DNASE2: variants seen among roughly 807,000 people sequenced by gnomAD.
DNASE2 encodes the protein deoxyribonuclease-2-alpha.
A neutral mutation model predicts 29.8 loss-of-function variants in DNASE2; 26 were observed. That is an observed-to-expected ratio of 0.87 (90% CI 0.64 to 1.21). The LOEUF is 1.21. DNASE2 is among the 50% of genes most tolerant of loss of function. DNASE2 has a pLI of 0.00. For missense variants in DNASE2, 415 were observed against 455.6 expected, an observed-to-expected ratio of 0.91 and a Z score of 0.81; for synonymous variants, 186 against 193.5, an observed-to-expected ratio of 0.96 and a Z score of 0.32.
In DNASE2 at chr19:12,881,083, C is replaced by G. The variant is rs1970374682; in HGVS notation, c.156G>C (p.Lys52Asn). Residue 52 changes from lysine (K) to asparagine (N), a missense_variant, in exon 2 of 6, where the codon AAG becomes AAC. Lys to Asn is a moderately conservative substitution (Grantham distance 94). Transcript: ENST00000222219. ...GEAAQRGLQY[K>N]YLDESSGGWR... The stretch of plus-strand genomic sequence containing the variant: ...AGCCTCCGGAGCTCTCGTCCAGATA[C>G]TTGTACTGCAGCCCTCTCTGCGCCG... 3 of 1,612,592 alleles carry G rather than the reference C, an allele frequency of 1.9e-6. No homozygotes were observed. Among genetic ancestry groups the G allele is most frequent in the Non-Finnish European group, 2.5e-6 (3 of 1,180,004 alleles).
chr19:12,876,983 C>T lies in DNASE2; in HGVS notation c.710-620G>A, dbSNP rs1292552502. Among the ~76,000 whole-genome samples the T allele has an allele frequency of 9.2e-5, 14 of 151,944 alleles. 1 individual carries two copies. Among genetic ancestry groups the T allele is most frequent in the South Asian group, 6.3e-4 (3 of 4,794 alleles). The stretch of plus-strand genomic sequence containing the variant: ...GATTACAGGTGCCCGCCACCACACC[C>T]GGCTAATTTTTGTACTTTTAGTAGA... On this transcript the variant is annotated intron_variant, in intron 5 of 5. Coordinates refer to ENST00000222219, the MANE Select transcript of DNASE2 (RefSeq NM_001375.3).
At chr19:12,876,572 G>C (rs1343884553) in intron 5 of DNASE2, among the ~76,000 whole-genome samples, 1 of 147,522 alleles carries the variant, frequency 6.8e-6, no homozygotes, top group Admixed American at 7.0e-5. Flanking sequence ...TGATTCTCCT[G>C]CCTCAGCCTT....
chr19:12,876,400 G>T (rs1259783658), intron 5 of DNASE2, 37 bp from the exon 6 acceptor site: 1 of 1,603,656 alleles, frequency 6.2e-7, no homozygotes, highest in African/African-American at 1.3e-5. Flanking sequence ...GTAGGGTCAG[G>T]GCCACTGCGA....
Position 12,878,663 on chromosome 19 carries a change from G to T in DNASE2, c.511+7C>A. 1 of 1,613,960 alleles carries T rather than the reference G, an allele frequency of 6.2e-7. No homozygotes were observed. Among genetic ancestry groups the T allele is most frequent in the South Asian group, 1.1e-5 (1 of 91,026 alleles). On this transcript the variant is annotated splice_region_variant and intron_variant, in intron 4 of 5. Transcript: ENST00000222219. Reference sequence around the variant, plus strand: ...AGGACTCATCCTGTGTCCCTGACTCGACTTACCCATCTTCGAGAACTGAGC... The same window carrying T: ...AGGACTCATCCTGTGTCCCTGACTCTACTTACCCATCTTCGAGAACTGAGC...
In DNASE2 at chr19:12,881,339, G is replaced by T; in HGVS notation, c.37C>A (p.Pro13Thr). 1.3e-6 allele frequency: 2 copies of T among 1,568,720 alleles called. No individual in the cohort carries two copies. The highest frequency in any genetic ancestry group is 2.4e-5 in the East Asian group (1 of 42,064). The stretch of plus-strand genomic sequence containing the variant: ...CCGTAGCAGGTCAGGGCCCCGGCGG[G>T]GACGCACAGCAGCGCTGCCAGCAGC... ...PLLLAALLCV[P>T]AGALTCYGDS... is the part of the protein sequence containing the mutation. Residue 13 changes from proline (P) to threonine (T), a missense_variant, in exon 1 of 6, where the codon CCC becomes ACC. By Grantham distance (38) the Pro-to-Thr change is conservative. Coordinates refer to ENST00000222219, the MANE Select transcript of DNASE2 (RefSeq NM_001375.3).
At position 12,875,824 on chromosome 19, in the gene DNASE2, G is replaced by T; in HGVS notation, c.*166C>A. On this transcript the variant is annotated 3_prime_UTR_variant, in exon 6 of 6. Transcript: ENST00000222219. ...CTGGCTTCAGTGGCTGGGACTACAGGCATTTATCACCGTGCCTGGCTAACT... is the reference window on the plus strand; with the variant it reads ...CTGGCTTCAGTGGCTGGGACTACAGTCATTTATCACCGTGCCTGGCTAACT... The T allele has an allele frequency of 2.7e-6, 2 of 750,588 alleles. No individual in the cohort carries two copies. The highest frequency in any genetic ancestry group is 4.2e-6 in the Non-Finnish European group (2 of 473,886). The allele number at this position is 750,588 out of a possible 1,614,324, so 46.5% of individuals were successfully genotyped here. A position where few individuals can be genotyped will look rare whatever the true frequency, so the allele number is the denominator to read the frequency against.
chr19:12,878,622 T>TC (rs1568418465), intron 4 of DNASE2, 43 bp from the exon 5 acceptor site: 1 of 1,613,910 alleles, frequency 6.2e-7, no homozygotes, highest in South Asian at 1.1e-5. Flanking sequence ...CGTTCCAGGT[T>TC]CTGGTCAGTA....
chr19:12,878,585 G>A lies in DNASE2; in HGVS notation c.512-6C>T, dbSNP rs369135205. On this transcript the variant is annotated splice_polypyrimidine_tract_variant and splice_region_variant and intron_variant, in intron 4 of 5. Coordinates refer to ENST00000222219, the MANE Select transcript of DNASE2 (RefSeq NM_001375.3). ...GGTGTAGGTCAGCTGCTTGCCTGGA[G>A]GACAAGGGGAGGAGGAAATGCAAGA... The A allele has an allele frequency of 2.0e-5, 32 of 1,613,776 alleles. No individual in the cohort carries two copies. The highest frequency in any genetic ancestry group is 2.6e-5 in the Non-Finnish European group (31 of 1,179,980).
chr19:12,876,095 C>T lies in DNASE2; in HGVS notation c.978G>A (p.Leu326=). Residue 326 remains leucine (L), a synonymous_variant, in exon 6 of 6, where the codon CTG becomes CTA. Coordinates refer to ENST00000222219, the MANE Select transcript of DNASE2 (RefSeq NM_001375.3). The part of the protein sequence containing the change: ...QGEEQRGGGT[L]CAQLPALWKA... The stretch of plus-strand genomic sequence containing the variant: ...TCCAGAGGGCTGGCAGCTGGGCACA[C>T]AGTGTGCCCCCACCCCGTTGCTCCT... 1.9e-6 allele frequency: 3 copies of T among 1,613,976 alleles called. No homozygotes were observed. The highest frequency in any genetic ancestry group is 2.5e-6 in the Non-Finnish European group (3 of 1,179,946).
chr19:12,877,691 G>A (rs1170163352), intron 5 of DNASE2, among the ~76,000 whole-genome samples: 1 of 150,562 alleles, frequency 6.6e-6, no homozygotes. Flanking sequence ...GACTACAGGT[G>A]CCCGCCACCA....
At chr19:12,876,467 T>TTTC (rs1237099387) in intron 5 of DNASE2, 104 bp from the exon 6 acceptor site, 1 of 1,471,982 alleles carries the variant, frequency 6.8e-7, no homozygotes, top group African/African-American at 1.4e-5. Flanking sequence ...TCCTTTTTTT[T>TTTC]TTTTTTTTTT....
At position 12,875,581 on chromosome 19, in the gene DNASE2, A is replaced by G; in HGVS notation, c.*409T>C. 5.2e-6 allele frequency: 1 copy of G among 193,852 alleles called. No individual in the cohort carries two copies. The highest frequency in any genetic ancestry group is 9.0e-5 in the South Asian group (1 of 11,072). The allele number at this position is 193,852 out of a possible 1,614,324, so 12.0% of individuals were successfully genotyped here. ...TAATTTTTAAATATTTTTAATGGATATGGGGTTTCACCATGTTGGCCAGGC... is the reference window on the plus strand; with the variant it reads ...TAATTTTTAAATATTTTTAATGGATGTGGGGTTTCACCATGTTGGCCAGGC... On this transcript the variant is annotated 3_prime_UTR_variant, in exon 6 of 6. Transcript: ENST00000222219.
chr19:12,878,375 G>A lies in DNASE2; in HGVS notation c.709+7C>T. ...GGAGCTCTCCAACCCTCAACCTTGA[G>A]ACTCACCATCTCCAAATTTGCTGAA... On this transcript the variant is annotated splice_region_variant and intron_variant, in intron 5 of 5. Transcript: ENST00000222219. 1 of 1,612,326 alleles carries A rather than the reference G, an allele frequency of 6.2e-7. No individual in the cohort carries two copies. Among genetic ancestry groups the A allele is most frequent in the Non-Finnish European group, 8.5e-7 (1 of 1,180,020 alleles).
chr19:12,877,947 T>G (rs1179359138), intron 5 of DNASE2: 9 of 307,258 alleles, frequency 2.9e-5, no homozygotes, highest in Non-Finnish European at 5.1e-5. Context: ...TGGGCTCAAT[T>G]TATCCTCCTG....
At position 12,878,750 on chromosome 19, in the gene DNASE2, T is replaced by G; in HGVS notation, c.431A>C (p.Tyr144Ser). The G allele has an allele frequency of 6.2e-7, 1 of 1,613,960 alleles. No individual in the cohort carries two copies. Among genetic ancestry groups the G allele is most frequent in the Non-Finnish European group, 8.5e-7 (1 of 1,179,982 alleles). The change falls in exon 4 of 6, where the codon TAC becomes TCC. Residue 144 changes from tyrosine (Y) to serine (S), a missense_variant. Transcript: ENST00000222219. ...NFPPPASSAA[Y>S]SWPHSACTYG... ...GGTACAGGCGCTATGAGGCCAGCTG[T>G]ATGCAGCAGAGGAGGCCGGTGGAGG...
intron 5 of DNASE2, among the ~76,000 whole-genome samples, chr19:12,877,780 G>A (rs780507087): frequency 9.2e-5 from 14 of 151,558 alleles, no homozygotes; most frequent in Middle Eastern, 3.2e-3. Flanking sequence ...TCCTGAGCTC[G>A]TGATCTGCCC....
intron 3 of DNASE2, among the ~76,000 whole-genome samples, chr19:12,880,290 G>A (rs1970364825): frequency 6.6e-6 from 1 of 151,584 alleles, no homozygotes; most frequent in African/African-American, 2.4e-5. Flanking sequence ...AGGGGAAATA[G>A]ATGCCCAAGG....
rs779256485 is a variant in DNASE2 at position 12,881,065 on chromosome 19, G to A, written c.174C>T (p.Ser58=). ...GTGCCCTGCCGTCCCGCCAGCCTCC[G>A]GAGCTCTCGTCCAGATACTTGTACT... ...GLQYKYLDES[S]GGWRDGRALI... is the part of the protein sequence containing the mutation. The change falls in exon 2 of 6, where the codon TCC becomes TCT. Residue 58 remains serine, a synonymous_variant. Transcript: ENST00000222219. The A allele has an allele frequency of 1.5e-5, 24 of 1,612,794 alleles. No individual in the cohort carries two copies. The highest frequency in any genetic ancestry group is 6.7e-5 in the African/African-American group (5 of 74,930).
At chr19:12,879,449 A>G (rs1970355813) in intron 3 of DNASE2, among the ~76,000 whole-genome samples, 2 of 142,218 alleles carry the variant, frequency 1.4e-5, no homozygotes, top group South Asian at 4.4e-4. Flanking sequence ...GCACCATTGC[A>G]CTCCAGCCTG....
Sources: gnomAD v4.1 joint callset for allele counts (sites outside exome capture counted in the v4.1 genomes callset) on GRCh38, gnomAD v4.1.1 for gene constraint, MANE v1.5 for transcripts, NCBI Gene and HGNC (gene_info 2026-07-23, HGNC 2026-07-21) for gene names.